Variants in DPP6 observed in about 807,000 individuals in gnomAD.
The protein encoded by DPP6 is A-type potassium channel modulatory protein DPP6.
A neutral mutation model predicts 122.6 loss-of-function variants in DPP6; 69 were observed. The ratio of observed to expected loss-of-function variants is 0.56; its 90% CI spans 0.46 to 0.69. The LOEUF (loss-of-function observed/expected upper bound fraction) is 0.69, where lower values mean the gene tolerates loss of function less well. Ranked by LOEUF, DPP6 falls within the 30% of genes least tolerant of loss-of-function variation. DPP6 has a pLI of 0.00. For missense variants in DPP6, 928 were observed against 1,116.9 expected (o/e 0.83, Z 2.41); for synonymous variants, 418 against 433.1 (o/e 0.97, Z 0.43).
chr7:153,824,507 G>A, the DPP6 span, among the ~76,000 whole-genome samples: 3 of 151,614 alleles, frequency 2.0e-5, no homozygotes, highest in Admixed American at 1.3e-4. Context: ...GCCAACGTGA[G>A]GAAACCCCAC....
Position 154,080,607 on chromosome 7 carries a change from A to G in DPP6, c.243+27544A>G, listed in dbSNP as rs186309721. Among the ~76,000 whole-genome samples the G allele has an allele frequency of 3.2e-3, 486 of 152,258 alleles. 2 individuals carry two copies. The highest frequency in any genetic ancestry group is 0.011 in the African/African-American group (472 of 41,550). ...TAGATAAGCCTTGGGTCTGGGAGTA[A>G]GAGTGCAGAGATCTACCTGTCTTGG... On this transcript the variant is annotated intron_variant, in intron 1 of 25. Transcript: ENST00000377770.
chr7:154,434,721 A>T (rs1057157901), intron 1 of DPP6, among the ~76,000 whole-genome samples: 4 of 152,130 alleles, frequency 2.6e-5, no homozygotes, highest in Admixed American at 2.6e-4. Context: ...TAGACAGTTG[A>T]GTCTCTTCCA....
intron 3 of DPP6, among the ~76,000 whole-genome samples, chr7:154,523,559 A>AT (rs1827169211): frequency 6.6e-6 from 1 of 152,132 alleles, no homozygotes; most frequent in Non-Finnish European, 1.5e-5. Context: ...GTCTCAAAAT[A>AT]TTTTCTGTAG....
chr7:154,666,043 C>A (rs1171331013), intron 6 of DPP6, among the ~76,000 whole-genome samples: 1 of 152,012 alleles, frequency 6.6e-6, no homozygotes, highest in East Asian at 1.9e-4. Flanking sequence ...TCCACCTATA[C>A]CCTATAGGTA....
chr7:154,810,806 G>A (rs1468032273), intron 16 of DPP6, among the ~76,000 whole-genome samples: 1 of 152,080 alleles, frequency 6.6e-6, no homozygotes, highest in East Asian at 1.9e-4. Flanking sequence ...AACTAACCTG[G>A]CCCATTGGGC....
At chr7:154,769,387 T>C in intron 8 of DPP6, 30 bp from the exon 9 acceptor site, 1 of 1,612,298 alleles carries the variant, frequency 6.2e-7, no homozygotes, top group Non-Finnish European at 8.5e-7. Flanking sequence ...CTTGTTACTA[T>C]TCACATTTCT....
At chr7:154,313,685 G>GTGTGTGTGTGTATA in intron 1 of DPP6, among the ~76,000 whole-genome samples, 565 of 20,418 alleles carry the variant, frequency 0.028, 30 homozygotes, top group East Asian at 0.05. Context: ...TTAAGATATG[G>GTGTGTGTGTGTATA]TATATATATA....
intron 1 of DPP6, among the ~76,000 whole-genome samples, chr7:154,398,339 A>G (rs988711004): frequency 6.6e-6 from 1 of 152,192 alleles, no homozygotes; most frequent in African/African-American, 2.4e-5. Context: ...TTTGGATTCA[A>G]TCCAAGATGA....
Position 154,756,069 on chromosome 7 carries a change from C to T in DPP6, c.884-13348C>T, listed in dbSNP as rs188856702. 7.9e-5 allele frequency among the ~76,000 whole-genome samples: 12 copies of T among 152,328 alleles called. No individual in the cohort carries two copies. In the South Asian group the frequency reaches 1.4e-3, roughly 18 times the overall value. On this transcript the variant is annotated intron_variant, in intron 8 of 25. Coordinates refer to ENST00000377770, the MANE Select transcript of DPP6 (RefSeq NM_130797.4). ...AGGCCTGTGGCTGCTGGCAGGACAG[C>T]GGTCATCTGCTCCAACCCCCTAGGG...
intron 3 of DPP6, among the ~76,000 whole-genome samples, chr7:154,529,568 C>G (rs1295597844): frequency 6.6e-6 from 1 of 152,300 alleles, no homozygotes; most frequent in Admixed American, 6.5e-5. Flanking sequence ...GAAAGCTAAT[C>G]ATTTGACCTG....
intron 1 of DPP6, among the ~76,000 whole-genome samples, chr7:154,265,687 A>G (rs539906342): frequency 2.6e-5 from 4 of 152,328 alleles, no homozygotes; most frequent in African/African-American, 9.6e-5. Context: ...TTGGTCAAAG[A>G]ATTTTCTTGG....
chr7:154,796,125 C>A, intron 12 of DPP6: 1 of 536,544 alleles, frequency 1.9e-6, no homozygotes, highest in Non-Finnish European at 3.1e-6. Flanking sequence ...CTCTTCAGAG[C>A]GTGGAATGTT....
At chr7:153,883,626 C>T (rs1298099349), upstream of DPP6, among the ~76,000 whole-genome samples, 4 of 152,190 alleles carry the variant, frequency 2.6e-5, no homozygotes, top group Non-Finnish European at 4.4e-5. Flanking sequence ...GTGGTCCACC[C>T]GCCTCGGCCT....
At chr7:154,454,336 TG>T (rs2151304309) in intron 2 of DPP6, among the ~76,000 whole-genome samples, 1 of 152,336 alleles carries the variant, frequency 6.6e-6, no homozygotes, top group African/African-American at 2.4e-5. Flanking sequence ...ATGCTACCAC[TG>T]TTAATGTTTC....
intron 1 of DPP6, among the ~76,000 whole-genome samples, chr7:153,977,108 T>C (rs1395726419): frequency 2.6e-5 from 4 of 152,206 alleles, no homozygotes; most frequent in African/African-American, 7.2e-5. Flanking sequence ...ATGTTTTCTT[T>C]CTTTTTTTTC....
In DPP6 at chr7:154,280,887, G is replaced by A. The variant is rs560946462; in HGVS notation, c.244-165327G>A. On this transcript the variant is annotated intron_variant, in intron 1 of 25. Coordinates refer to ENST00000377770, the MANE Select transcript of DPP6 (RefSeq NM_130797.4). ...AACCATTGTTATCCCATTTTTCCACGTGAGGACACTGTGGTAGGTTAAGAC... is the reference window on the plus strand; with the variant it reads ...AACCATTGTTATCCCATTTTTCCACATGAGGACACTGTGGTAGGTTAAGAC... 2.7e-3 allele frequency among the ~76,000 whole-genome samples: 407 copies of A among 152,220 alleles called. 2 individuals carry two copies. The highest frequency in any genetic ancestry group is 9.4e-3 in the African/African-American group (392 of 41,522).
chr7:153,962,618 G>A (rs769085675), intron 1 of DPP6, among the ~76,000 whole-genome samples: 37 of 152,050 alleles, frequency 2.4e-4, no homozygotes, highest in Non-Finnish European at 5.0e-4. Flanking sequence ...GTTTCTAGAT[G>A]AAGCCCACAG....
intron 1 of DPP6, among the ~76,000 whole-genome samples, chr7:154,017,255 A>T (rs1008872576): frequency 1.3e-5 from 2 of 152,062 alleles, no homozygotes; most frequent in African/African-American, 2.4e-5. Context: ...TTTTGTAGAG[A>T]TGGGGTTTCA....
intron 7 of DPP6, among the ~76,000 whole-genome samples, chr7:154,681,861 T>C (rs185683091): frequency 5.9e-4 from 90 of 152,360 alleles, no homozygotes; most frequent in African/African-American, 2.1e-3. Context: ...CCTCTTTGTT[T>C]TATTATTCAA....
Sources: allele counts gnomAD v4.1 joint callset (sites outside exome capture counted in the v4.1 genomes callset), GRCh38; gene constraint gnomAD v4.1.1; transcripts MANE v1.5; gene names NCBI Gene and HGNC (gene_info 2026-07-23, HGNC 2026-07-21).